UBR4: variants seen among roughly 807,000 people sequenced by gnomAD.
UBR4 encodes E3 ubiquitin-protein ligase UBR4.
In UBR4, 124 loss-of-function variants were observed where a neutral mutation model predicts 575.6. The observed-to-expected ratio is 0.22, with a 90% CI of 0.19 to 0.25. The LOEUF (loss-of-function observed/expected upper bound fraction) is 0.25. Ranked by LOEUF, UBR4 falls within the 10% of genes least tolerant of loss-of-function variation. The pLI is 1.00. For synonymous variants in UBR4, 2,455 were observed against 2,473.7 expected, an observed-to-expected ratio of 0.99 and a Z score of 0.22; for missense variants, 4,818 against 6,478.8, an observed-to-expected ratio of 0.74 and a Z score of 8.80.
chr1:19,144,177 A>G (rs1201933566), intron 54 of UBR4, 86 bp from the exon 55 acceptor site: 1 of 1,243,970 alleles, frequency 8.0e-7, no homozygotes, highest in East Asian at 2.4e-5. Context: ...TTGGTCACTC[A>G]CTCACATGCA....
chr1:19,170,902 GA>G lies in UBR4; in HGVS notation c.3522-20del. ...ATAGGCTCTGGGGAAAAAACAGGGG[GA>G]AAGTGAAGCCATAAGATTCTAATCC... On this transcript the variant is annotated intron_variant, in intron 25 of 105. Transcript: ENST00000375254. 6.2e-7 allele frequency: 1 copy of G among 1,614,050 alleles called. No individual in the cohort carries two copies.
chr1:19,162,674 C>T, intron 34 of UBR4, 63 bp from the exon 35 acceptor site: 1 of 1,510,730 alleles, frequency 6.6e-7, no homozygotes, highest in South Asian at 1.3e-5. Flanking sequence ...ACCATGTTTT[C>T]TCAAGCTTTT....
Position 19,152,279 on chromosome 1 carries a change from C to A in UBR4, c.6996+34G>T. The A allele has an allele frequency of 8.7e-6, 14 of 1,611,444 alleles. No individual in the cohort carries two copies. Among genetic ancestry groups the A allele is most frequent in the Non-Finnish European group, 1.2e-5 (14 of 1,177,966 alleles). On this transcript the variant is annotated intron_variant, in intron 47 of 105. Transcript: ENST00000375254. The surrounding 1 kb of genome is among the most constrained non-coding windows in gnomAD (Gnocchi z 4.4). Reference sequence around the variant, plus strand: ...AACCATATTGTTTGAGTCCTTCTACCCAGGGATTGATCCCAGCCCAGTGCC... The same window carrying A: ...AACCATATTGTTTGAGTCCTTCTACACAGGGATTGATCCCAGCCCAGTGCC...
At chr1:19,160,360 G>A in intron 38 of UBR4, 79 bp from the exon 39 acceptor site, 3 of 1,323,214 alleles carry the variant, frequency 2.3e-6, no homozygotes, top group Admixed American at 2.7e-5. Flanking sequence ...AAATCATCTT[G>A]CCAGTAACTT....
At chr1:19,158,321 A>C (rs754717922) in intron 39 of UBR4, among the ~76,000 whole-genome samples, 10 of 152,238 alleles carry the variant, frequency 6.6e-5, no homozygotes, top group Non-Finnish European at 1.3e-4. Flanking sequence ...CATAAAAATC[A>C]GCAACTTTAT....
In UBR4 at chr1:19,081,458, C is replaced by T. The variant is rs757171322; in HGVS notation, c.15124G>A (p.Ala5042Thr). ...VDGPYYFTVL[A>T]LHILPPEQWR... ...TGCTCAGGGGGCAGGATGTGAAGGG[C>T]CAAGACTGTGAAATAGTAGGGCCCG... is the stretch of plus-strand genomic sequence containing the variant. The change falls in exon 103 of 106, where the codon GCC becomes ACC. Residue 5042 changes from alanine to threonine, a missense_variant. Physicochemically the swap from Ala to Thr is moderately conservative, Grantham distance 58. Coordinates refer to ENST00000375254, the MANE Select transcript of UBR4 (RefSeq NM_020765.3). 1.9e-6 allele frequency: 3 copies of T among 1,613,990 alleles called. No homozygotes were observed. The South Asian group carries it at 3.3e-5, about 18-fold the overall frequency.
Position 19,122,955 on chromosome 1 carries a change from T to C in UBR4, c.9694A>G (p.Thr3232Ala). 1.2e-6 allele frequency: 2 copies of C among 1,614,212 alleles called. No individual in the cohort carries two copies. The highest frequency in any genetic ancestry group is 1.7e-6 in the Non-Finnish European group (2 of 1,180,038). The part of the protein sequence containing the change: ...EKYRQLRDLH[T>A]LDSHVRGIKK... ...ATCCCACGCACGTGAGAGTCCAGGG[T>C]GTGCAAATCCCGGAGCTGGCGGTAC... Residue 3232 changes from threonine (T) to alanine (A), a missense_variant, in exon 66 of 106, where the codon ACC becomes GCC. Transcript: ENST00000375254.
intron 1 of UBR4, among the ~76,000 whole-genome samples, chr1:19,206,932 G>A (rs759619086): frequency 2.8e-4 from 42 of 152,276 alleles, no homozygotes; most frequent in South Asian, 8.3e-4. Context: ...GGTAGAATGT[G>A]GTGTACTGAG....
At position 19,086,699 on chromosome 1, in the gene UBR4, G is replaced by A; in HGVS notation, c.14667C>T (p.Asp4889=). 6.2e-7 allele frequency: 1 copy of A among 1,614,194 alleles called. No individual in the cohort carries two copies. The highest frequency in any genetic ancestry group is 8.5e-7 in the Non-Finnish European group (1 of 1,180,030). Reference sequence around the variant, plus strand: ...CCTACCTGACGGCAGCCAGATGGCAGTCGTAGTGCACAATGTTGAAGTGGG... The same window carrying A: ...CCTACCTGACGGCAGCCAGATGGCAATCGTAGTGCACAATGTTGAAGTGGG... The part of the protein sequence containing the change: ...TVSHFNIVHY[D]CHLAAVRLAR... Residue 4889 remains aspartate, a synonymous_variant, in exon 100 of 106, where the codon GAC becomes GAT. Transcript: ENST00000375254.
At chr1:19,141,027 C>T in intron 57 of UBR4, 135 bp from the exon 58 acceptor site, 1 of 929,836 alleles carries the variant, frequency 1.1e-6, no homozygotes. Context: ...AGTTAGCTAG[C>T]AGCCACTGCT....
rs757466739 is a variant in UBR4, at chr1:19,093,931, G to A, written c.13937+18C>T. The stretch of plus-strand genomic sequence containing the variant: ...AGTGGAGACTCTCATTTCACTATAT[G>A]AAATCAAAGTAACATACTTATCAAA... On this transcript the variant is annotated intron_variant, in intron 95 of 105. Transcript: ENST00000375254. The surrounding 1 kb of genome is among the most constrained non-coding windows in gnomAD (Gnocchi z 4.8). 2 of 1,603,658 alleles carry A rather than the reference G, an allele frequency of 1.2e-6. No homozygotes were observed. The highest frequency in any genetic ancestry group is 1.7e-6 in the Non-Finnish European group (2 of 1,172,522).
At position 19,176,593 on chromosome 1, in the gene UBR4, T is replaced by C; in HGVS notation, c.2772A>G (p.Ser924=). 6.2e-7 allele frequency: 1 copy of C among 1,613,386 alleles called. No individual in the cohort carries two copies. The highest frequency in any genetic ancestry group is 1.1e-5 in the South Asian group (1 of 91,056). Residue 924 remains serine, a splice_region_variant and synonymous_variant, in exon 20 of 106, where the codon TCA becomes TCG. Transcript: ENST00000375254. ...CTTATTAACAGTCTTCTTTCTGACC[T>C]GATGAGAAATGCTTAGACCAGTTTT... ...VEENWSKHFS[S]DAVPHPRFYC...
chr1:19,167,039 A>C lies in UBR4; in HGVS notation c.4092T>G (p.Asn1364Lys). The C allele has an allele frequency of 6.2e-7, 1 of 1,614,230 alleles. No homozygotes were observed. The highest frequency in any genetic ancestry group is 8.5e-7 in the Non-Finnish European group (1 of 1,180,034). Reference protein sequence around the residue: ...LITGCYNILANHADPNSGLDE... With the variant: ...LITGCYNILAKHADPNSGLDE... ...AGGCTCACCTGTTAGGATCTGCATG[A>C]TTGGCCAGAATGTTGTAACAACCAG... Residue 1364 changes from asparagine to lysine, a missense_variant, in exon 29 of 106, where the codon AAT becomes AAG. By Grantham distance (94) the Asn-to-Lys change is moderately conservative (BLOSUM62 0). This residue lies in a region of UBR4 where 1,172 missense variants were observed against 1,259.7 expected (regional missense o/e 0.93). Transcript: ENST00000375254.
intron 78 of UBR4, among the ~76,000 whole-genome samples, chr1:19,111,393 G>A (rs939697518): frequency 1.3e-5 from 2 of 152,234 alleles, no homozygotes; most frequent in African/African-American, 2.4e-5. Flanking sequence ...GCCTCCTCCC[G>A]AGTCTTCCCT....
rs772932287 is a variant in UBR4 at position 19,127,664 on chromosome 1, T to C, written c.9187A>G (p.Met3063Val). The change falls in exon 63 of 106, where the codon ATG becomes GTG. Residue 3063 changes from methionine to valine, a missense_variant. By Grantham distance (21) the Met-to-Val change is conservative (BLOSUM62 1). This residue lies in a region of UBR4 where 550 missense variants were observed against 791.5 expected (regional missense o/e 0.69). Coordinates refer to ENST00000375254, the MANE Select transcript of UBR4 (RefSeq NM_020765.3). Reference protein sequence around the residue: ...LVVMRLLSVFMSRTKSGSKSS... With the variant: ...LVVMRLLSVFVSRTKSGSKSS... ...TTGGATCCAGATTTGGTGCGGGACA[T>C]GAAGACACTCAGGAGTCTCATTACT... 2.8e-5 allele frequency: 46 copies of C among 1,614,164 alleles called. No homozygotes were observed. The highest frequency in any genetic ancestry group is 3.5e-5 in the Non-Finnish European group (41 of 1,180,014).
Position 19,139,246 on chromosome 1 carries a change from A to C in UBR4, c.8594-26T>G. ...CTGAGAGAGTAACGAGAGCTGTTAC[A>C]GGTTAAAAAACAAACAAACAAACAA... On this transcript the variant is annotated intron_variant, in intron 58 of 105. Transcript: ENST00000375254. The surrounding 1 kb of genome is among the most constrained non-coding windows in gnomAD (Gnocchi z 4.2). 1 of 1,567,576 alleles carries C rather than the reference A, an allele frequency of 6.4e-7. No individual in the cohort carries two copies. Among genetic ancestry groups the C allele is most frequent in the Non-Finnish European group, 8.6e-7 (1 of 1,158,230 alleles).
intron 9 of UBR4, 113 bp downstream of exon 9, chr1:19,193,320 A>C: frequency 7.0e-7 from 1 of 1,426,402 alleles, no homozygotes; most frequent in South Asian, 1.3e-5. Flanking sequence ...GCCCAGGGAA[A>C]GTAGTGTGGA....
intron 2 of UBR4, 130 bp downstream of exon 2, chr1:19,201,588 T>G: frequency 1.5e-6 from 1 of 674,314 alleles, no homozygotes; most frequent in Admixed American, 3.2e-5. Context: ...GTCTCTACTC[T>G]TGGGTGAGCA....
chr1:19,143,240 A>AGGC (rs2084245257), intron 55 of UBR4, among the ~76,000 whole-genome samples: 1 of 139,050 alleles, frequency 7.2e-6, no homozygotes, highest in Admixed American at 7.2e-5. Context: ...GGAAGGCAGG[A>AGGC]AGGAAGGAAG....
Sources: allele counts gnomAD v4.1 joint callset (sites outside exome capture counted in the v4.1 genomes callset), GRCh38; gene constraint gnomAD v4.1.1; regional missense constraint gnomAD v4.1.1; non-coding constraint Gnocchi (gnomAD v3.1); transcripts MANE v1.5; gene names NCBI Gene and HGNC (gene_info 2026-07-23, HGNC 2026-07-21).